The following IL7 variants were observed in gnomAD, a reference collection of about 807,000 sequenced individuals.
IL7 encodes the protein interleukin 7, also known as interleukin-7.
In IL7, 3 loss-of-function variants were observed where a neutral mutation model predicts 21.6. That is an observed-to-expected ratio of 0.14 (90% CI 0.06 to 0.36). The LOEUF (loss-of-function observed/expected upper bound fraction) is 0.36. Among genes scored for constraint, IL7 ranks in the 10% least tolerant of loss-of-function variants. IL7 has a pLI of 1.00. For missense variants in IL7, 175 were observed against 200.2 expected (o/e 0.87, Z 0.76); for synonymous variants, 62 against 68.1 (o/e 0.91, Z 0.44).
chr8:78,730,128 T>A (rs556635085), downstream of IL7, among the ~76,000 whole-genome samples: 2 of 152,124 alleles, frequency 1.3e-5, no homozygotes, highest in South Asian at 4.1e-4. Flanking sequence ...ATGAAATTAG[T>A]TCACTTTTAG....
chr8:78,708,651 C>T (rs1810856962), intron 3 of IL7, among the ~76,000 whole-genome samples: 1 of 150,914 alleles, frequency 6.6e-6, no homozygotes, highest in African/African-American at 2.4e-5. Flanking sequence ...AAGTTTTTCC[C>T]TTCTTCTAAA....
At chr8:78,792,175 A>G (rs963319467) in intron 2 of IL7, among the ~76,000 whole-genome samples, 4 of 152,102 alleles carry the variant, frequency 2.6e-5, no homozygotes, top group African/African-American at 9.7e-5. Context: ...GTGTCCAGAC[A>G]TTCAATGAGG....
intron 2 of IL7, among the ~76,000 whole-genome samples, chr8:78,787,917 G>T (rs1278858545): frequency 6.6e-6 from 1 of 152,188 alleles, no homozygotes; most frequent in African/African-American, 2.4e-5. Context: ...ACATCAAAGT[G>T]TTGGCAGGGT....
chr8:78,682,725 T>TC (rs1172565615), intron 4 of IL7, among the ~76,000 whole-genome samples: 3 of 152,074 alleles, frequency 2.0e-5, no homozygotes, highest in Non-Finnish European at 4.4e-5. Context: ...TTCCCAACAG[T>TC]CCCCCAAAGT....
chr8:78,718,249 T>C (rs562987671), intron 6 of IL7: 8 of 152,196 alleles, frequency 5.3e-5, no homozygotes, highest in African/African-American at 1.9e-4. Context: ...AGATTTCACT[T>C]TTCCTCTTTT....
chr8:78,803,867 G>T (rs1814186300), intron 1 of IL7, among the ~76,000 whole-genome samples: 1 of 152,096 alleles, frequency 6.6e-6, no homozygotes, highest in Non-Finnish European at 1.5e-5. Flanking sequence ...GGCACTCCTT[G>T]GTTGTGTCAA....
intron 2 of IL7, among the ~76,000 whole-genome samples, chr8:78,743,975 G>C (rs979149777): frequency 3.3e-5 from 5 of 152,202 alleles, no homozygotes; most frequent in African/African-American, 1.2e-4. Flanking sequence ...CTGGCCCAGG[G>C]AGGTATGAAC....
intron 2 of IL7, among the ~76,000 whole-genome samples, chr8:78,746,569 C>A (rs1420836729): frequency 3.9e-5 from 6 of 152,178 alleles, no homozygotes; most frequent in Non-Finnish European, 7.3e-5. Context: ...TAATTCTAAT[C>A]CACACTCAAG....
At chr8:78,675,420 C>T (rs1007674922), downstream of IL7, among the ~76,000 whole-genome samples, 1 of 151,806 alleles carries the variant, frequency 6.6e-6, no homozygotes, top group African/African-American at 2.4e-5. Flanking sequence ...TTCTTCATGC[C>T]TTGGAAATTA....
intron 3 of IL7, among the ~76,000 whole-genome samples, chr8:78,688,535 A>C (rs1426353367): frequency 6.6e-6 from 1 of 152,170 alleles, no homozygotes; most frequent in Non-Finnish European, 1.5e-5. Context: ...AGATTTTTAC[A>C]TTTATTCCCA....
intron 2 of IL7, among the ~76,000 whole-genome samples, chr8:78,792,410 G>A (rs1274814123): frequency 6.6e-6 from 1 of 151,976 alleles, no homozygotes; most frequent in African/African-American, 2.4e-5. Context: ...AAAAACATGG[G>A]CAACAAGAGT....
chr8:78,758,689 G>A (rs1024793148), intron 2 of IL7, among the ~76,000 whole-genome samples: 5 of 152,030 alleles, frequency 3.3e-5, no homozygotes, highest in Non-Finnish European at 1.5e-5. Flanking sequence ...CTCCTGGCCT[G>A]CAAGATTTTT....
intron 2 of IL7, among the ~76,000 whole-genome samples, chr8:78,742,828 C>G (rs1199184415): frequency 6.6e-6 from 1 of 152,022 alleles, no homozygotes; most frequent in African/African-American, 2.4e-5. Context: ...TTTCATCACC[C>G]AGGTATTAAG....
chr8:78,725,451 C>T (rs1811324077), intron 3 of IL7, among the ~76,000 whole-genome samples: 1 of 151,196 alleles, frequency 6.6e-6, no homozygotes, highest in South Asian at 2.1e-4. Flanking sequence ...AGCCTCCAAA[C>T]TTGACTATCT....
chr8:78,682,684 C>T (rs938952892), intron 4 of IL7, among the ~76,000 whole-genome samples: 2 of 152,158 alleles, frequency 1.3e-5, no homozygotes, highest in Non-Finnish European at 2.9e-5. Context: ...TCCCAAATTT[C>T]ATGCCCTCAC....
intron 2 of IL7, among the ~76,000 whole-genome samples, chr8:78,771,467 G>A (rs1812951808): frequency 6.6e-6 from 1 of 152,048 alleles, no homozygotes; most frequent in Non-Finnish European, 1.5e-5. Flanking sequence ...TATAGGCAAA[G>A]GAATTATCAT....
intron 2 of IL7, among the ~76,000 whole-genome samples, chr8:78,767,329 T>G (rs1812787717): frequency 6.6e-6 from 1 of 151,968 alleles, no homozygotes; most frequent in South Asian, 2.1e-4. Flanking sequence ...TTAACATAAT[T>G]TATATTTATT....
chr8:78,684,846 TA>T lies in IL7; in HGVS notation n.273+1042del, dbSNP rs749192851. ...AAAGTAAAAAAATACTACTGAAAGA[TA>T]AAAATGAACTGTTTTTCAAATAGAA... On this transcript the variant is annotated intron_variant and non_coding_transcript_variant, in intron 4 of 4. Transcript: ENST00000523959. 2.3e-4 allele frequency among the ~76,000 whole-genome samples: 35 copies of T among 152,260 alleles called. 1 individual carries two copies. The East Asian group carries it at 2.3e-3, about 10-fold the overall frequency.
chr8:78,683,297 G>A (rs1809850111), intron 4 of IL7, among the ~76,000 whole-genome samples: 2 of 152,210 alleles, frequency 1.3e-5, no homozygotes, highest in Non-Finnish European at 2.9e-5. Context: ...TTCTCCATGA[G>A]GGCCCCGCCC....
Sources: gnomAD v4.1 joint callset for allele counts (sites outside exome capture counted in the v4.1 genomes callset) on GRCh38, gnomAD v4.1.1 for gene constraint, MANE v1.5 for transcripts, NCBI Gene and HGNC (gene_info 2026-07-23, HGNC 2026-07-21) for gene names.